The following PARD3B variants were observed in gnomAD, a reference collection of about 807,000 sequenced individuals.
The protein encoded by PARD3B is partitioning defective 3 homolog B.
A neutral mutation model predicts 130.2 loss-of-function variants in PARD3B; 103 were observed. The observed-to-expected ratio is 0.79, with a 90% confidence interval of 0.67 to 0.93. The LOEUF is 0.93. Ranked by LOEUF, PARD3B falls within the 40% of genes least tolerant of loss-of-function variation. The pLI is 0.00. For missense variants in PARD3B, 1,609 were observed against 1,499.2 expected, an observed-to-expected ratio of 1.07 and a Z score of -1.21; for synonymous variants, 583 against 553.2, an observed-to-expected ratio of 1.05 and a Z score of -0.76.
chr2:204,977,737 G>T (rs193126154), intron 3 of PARD3B, among the ~76,000 whole-genome samples: 1 of 151,454 alleles, frequency 6.6e-6, no homozygotes, highest in Non-Finnish European at 1.5e-5. Context: ...GCGTGAGCCC[G>T]GGAGGCGGAG....
At chr2:205,560,443 T>TA (rs2053089271) in intron 22 of PARD3B, among the ~76,000 whole-genome samples, 2 of 145,068 alleles carry the variant, frequency 1.4e-5, no homozygotes, top group Admixed American at 1.4e-4. Flanking sequence ...AGATGAACAT[T>TA]AAGCAATATA....
At chr2:205,302,495 G>C (rs988884540) in intron 18 of PARD3B, among the ~76,000 whole-genome samples, 1 of 152,032 alleles carries the variant, frequency 6.6e-6, no homozygotes, top group African/African-American at 2.4e-5. Context: ...CACCATAAAA[G>C]AAAGGCCAAT....
intron 22 of PARD3B, among the ~76,000 whole-genome samples, chr2:205,581,257 T>TATAGATATAA (rs1553552259): frequency 8.3e-6 from 1 of 120,928 alleles, no homozygotes; most frequent in Non-Finnish European, 1.8e-5. Flanking sequence ...TATAGATATA[T>TATAGATATAA]ATAGATATAG....
At chr2:205,028,204 G>A (rs1378407433) in intron 3 of PARD3B, among the ~76,000 whole-genome samples, 3 of 152,036 alleles carry the variant, frequency 2.0e-5, no homozygotes, top group Non-Finnish European at 4.4e-5. Flanking sequence ...CCATGAACGT[G>A]AGATCTCTCT....
chr2:204,803,365 G>A (rs1019265955), intron 2 of PARD3B, among the ~76,000 whole-genome samples: 3 of 151,794 alleles, frequency 2.0e-5, no homozygotes, highest in African/African-American at 2.4e-5. Flanking sequence ...ACTGGTAATC[G>A]TAAGTATAAA....
At chr2:205,177,184 C>G (rs1337376960) in intron 13 of PARD3B, among the ~76,000 whole-genome samples, 1 of 151,940 alleles carries the variant, frequency 6.6e-6, no homozygotes, top group Non-Finnish European at 1.5e-5. Flanking sequence ...TTCAGGTCAC[C>G]AAGAAAATTG....
At position 205,116,524 on chromosome 2, in the gene PARD3B, G is replaced by A. The variant is rs148327913; in HGVS notation, c.681-2397G>A. 1.3e-3 allele frequency among the ~76,000 whole-genome samples: 196 copies of A among 152,270 alleles called. No individual in the cohort carries two copies. The highest frequency in any genetic ancestry group is 1.9e-3 in the Admixed American group (29 of 15,292). On this transcript the variant is annotated intron_variant, in intron 6 of 22. Coordinates refer to ENST00000406610, the MANE Select transcript of PARD3B (RefSeq NM_001302769.2). This position sits in a 1 kb window ranked among gnomAD's most constrained non-coding sequence, Gnocchi z 4.5. ...GTGGATTTCAGCATCCTTTATCACT[G>A]TTCATTAATGCAAATTAACTGGTTA...
At chr2:204,782,741 T>C (rs1212634174) in intron 2 of PARD3B, among the ~76,000 whole-genome samples, 1 of 152,056 alleles carries the variant, frequency 6.6e-6, no homozygotes, top group Non-Finnish European at 1.5e-5. Flanking sequence ...ATTTTCACTA[T>C]ATCTTTTTCA....
chr2:204,666,686 C>G (rs538668233), intron 1 of PARD3B, among the ~76,000 whole-genome samples: 2 of 152,116 alleles, frequency 1.3e-5, no homozygotes, highest in South Asian at 4.2e-4. Flanking sequence ...AATTTTGGCT[C>G]ACACAAGTGG....
chr2:205,501,366 A>G (rs558784795), intron 21 of PARD3B, among the ~76,000 whole-genome samples: 8 of 152,298 alleles, frequency 5.3e-5, no homozygotes, highest in African/African-American at 1.9e-4. Context: ...TTAGGATTAA[A>G]CAGAATGACA....
chr2:205,356,510 G>A (rs2044197390), intron 18 of PARD3B, among the ~76,000 whole-genome samples: 1 of 152,082 alleles, frequency 6.6e-6, no homozygotes, highest in African/African-American at 2.4e-5. Flanking sequence ...TTTTAGGTGT[G>A]AGCCACTGCA....
intron 15 of PARD3B, among the ~76,000 whole-genome samples, chr2:205,209,688 T>C (rs991949263): frequency 2.0e-5 from 3 of 151,896 alleles, no homozygotes; most frequent in Admixed American, 2.0e-4. Context: ...TTTTGAATGA[T>C]AAAATTTGTT....
At chr2:205,467,068 A>T (rs994955908) in intron 20 of PARD3B, among the ~76,000 whole-genome samples, 1 of 152,222 alleles carries the variant, frequency 6.6e-6, no homozygotes, top group Non-Finnish European at 1.5e-5. Context: ...GATAAAGTAT[A>T]TCATCTCCAT....
At chr2:205,169,024 C>G (rs1224419783) in intron 11 of PARD3B, among the ~76,000 whole-genome samples, 1 of 152,140 alleles carries the variant, frequency 6.6e-6, no homozygotes, top group African/African-American at 2.4e-5. Context: ...CTTTGGGCAT[C>G]CCATTATTCA....
rs1364765895 is a variant in PARD3B, at chr2:205,125,586, G to C, written c.1306-23G>C. The C allele has an allele frequency of 6.2e-7, 1 of 1,612,378 alleles. No homozygotes were observed. On this transcript the variant is annotated intron_variant, in intron 9 of 22. Coordinates refer to ENST00000406610, the MANE Select transcript of PARD3B (RefSeq NM_001302769.2). The surrounding 1 kb of genome is among the most constrained non-coding windows in gnomAD (Gnocchi z 4.0). ...GATAACAAGTATTGTGATTGTGGCT[G>C]TTCATATGCTTTTATTCATTAGGTA... is the stretch of plus-strand genomic sequence containing the variant.
Position 204,669,257 on chromosome 2 carries a change from T to G in PARD3B, c.121-16924T>G, listed in dbSNP as rs1012831712. Reference sequence around the variant, plus strand: ...ATTCTAGATACCAGGCATTTATAATTTTTCCTAGAAGAGTTAGCCTATTTT... The same window carrying G: ...ATTCTAGATACCAGGCATTTATAATGTTTCCTAGAAGAGTTAGCCTATTTT... On this transcript the variant is annotated intron_variant, in intron 1 of 22. Transcript: ENST00000406610. The surrounding 1 kb of genome is among the most constrained non-coding windows in gnomAD (Gnocchi z 4.3). Among the ~76,000 whole-genome samples, 2 of 152,146 alleles carry G rather than the reference T, an allele frequency of 1.3e-5. No individual in the cohort carries two copies. The highest frequency in any genetic ancestry group is 4.8e-5 in the African/African-American group (2 of 41,440).
rs371815466 is a variant in PARD3B at position 204,863,051 on chromosome 2, G to A, written c.223-102101G>A. 4.3e-4 allele frequency among the ~76,000 whole-genome samples: 65 copies of A among 152,250 alleles called. 1 individual carries two copies. In the East Asian group the frequency reaches 0.011, roughly 26 times the overall value. On this transcript the variant is annotated intron_variant, in intron 2 of 22. Coordinates refer to ENST00000406610, the MANE Select transcript of PARD3B (RefSeq NM_001302769.2). The stretch of plus-strand genomic sequence containing the variant: ...TTCAGAGAACCAGTCGGGAAAGGGC[G>A]GGCTCCATCCGGGACCAGCAGTCTG...
At chr2:205,068,388 T>C (rs1443699649) in intron 4 of PARD3B, among the ~76,000 whole-genome samples, 1 of 152,224 alleles carries the variant, frequency 6.6e-6, no homozygotes, top group Admixed American at 6.6e-5. Context: ...ATTCTGTTTT[T>C]AATTTTTTTC....
In PARD3B at chr2:205,035,795, TCTC is replaced by T. The variant is rs1395059474; in HGVS notation, c.395-11785_395-11783del. Among the ~76,000 whole-genome samples, 13 of 84,060 alleles carry T rather than the reference TCTC, an allele frequency of 1.5e-4. No individual in the cohort carries two copies. In the Admixed American group the frequency reaches 2.2e-3, roughly 14 times the overall value. The allele number at this position is 84,060 out of a possible 152,430, so 55.1% of individuals were successfully genotyped here. A position where few individuals can be genotyped will look rare whatever the true frequency, so the allele number is the denominator to read the frequency against. On this transcript the variant is annotated intron_variant, in intron 3 of 22. Coordinates refer to ENST00000406610, the MANE Select transcript of PARD3B (RefSeq NM_001302769.2). ...TCTATCTATCGGAGTCAGAGATATA[TCTC>T]ATATATATATATATATATATATCTA...
Sources: gnomAD v4.1 joint callset for allele counts (sites outside exome capture counted in the v4.1 genomes callset) on GRCh38, gnomAD v4.1.1 for gene constraint, Gnocchi (gnomAD v3.1) non-coding constraint, MANE v1.5 for transcripts, NCBI Gene and HGNC (gene_info 2026-07-23, HGNC 2026-07-21) for gene names.